SYNPR: variants seen among roughly 807,000 people sequenced by gnomAD.
SYNPR encodes the protein synaptoporin.
A neutral mutation model predicts 32.9 loss-of-function variants in SYNPR; 23 were observed. The observed-to-expected ratio is 0.70, with a 90% CI of 0.50 to 0.99. The LOEUF (loss-of-function observed/expected upper bound fraction) is 0.99. Ranked by LOEUF, SYNPR falls within the 50% of genes least tolerant of loss-of-function variation. The pLI is 0.00. For synonymous variants in SYNPR, 146 were observed against 135.9 expected (o/e 1.07, Z -0.52); for missense variants, 318 against 349.3 (o/e 0.91, Z 0.71).
intron 1 of SYNPR, among the ~76,000 whole-genome samples, chr3:63,236,496 T>C (rs566963819): frequency 1.3e-5 from 2 of 152,264 alleles, no homozygotes; most frequent in Admixed American, 1.3e-4. Flanking sequence ...TTCAATCTTT[T>C]ATTACACAAA....
intron 4 of SYNPR, among the ~76,000 whole-genome samples, chr3:63,570,648 C>A (rs558952822): frequency 6.0e-4 from 92 of 152,278 alleles, no homozygotes; most frequent in Non-Finnish European, 1.1e-3. Flanking sequence ...TATTTCTTCA[C>A]TACCCATGTC....
intron 4 of SYNPR, among the ~76,000 whole-genome samples, chr3:63,595,757 ATATATATATAT>A (rs1559546249): frequency 1.6e-4 from 5 of 31,002 alleles, no homozygotes; most frequent in East Asian, 1.8e-3. Flanking sequence ...ATATATATAT[ATATATATATAT>A]AATTTTATAT....
chr3:63,477,047 A>G (rs911408389), intron 2 of SYNPR, among the ~76,000 whole-genome samples: 2 of 152,190 alleles, frequency 1.3e-5, no homozygotes, highest in African/African-American at 4.8e-5. Context: ...GGTGTCACAC[A>G]GCTAGGAAAT....
At chr3:63,223,104 T>C in the SYNPR span, among the ~76,000 whole-genome samples, 1 of 152,118 alleles carries the variant, frequency 6.6e-6, no homozygotes, top group African/African-American at 2.4e-5. Context: ...GAGTCAAGAA[T>C]TGTGCAAGGA....
intron 2 of SYNPR, among the ~76,000 whole-genome samples, chr3:63,348,490 C>T (rs6783693): frequency 6.6e-4 from 100 of 152,224 alleles, no homozygotes; most frequent in African/African-American, 2.3e-3. Flanking sequence ...TGTGTGTTCA[C>T]TCTGTTGCTT....
chr3:63,255,418 T>C (rs1247767675), intron 2 of SYNPR, among the ~76,000 whole-genome samples: 1 of 152,204 alleles, frequency 6.6e-6, no homozygotes, highest in Non-Finnish European at 1.5e-5. Flanking sequence ...TGTCAGGCCT[T>C]GAACCAGTTA....
chr3:63,283,234 TG>T, intron 2 of SYNPR, among the ~76,000 whole-genome samples: 1 of 152,190 alleles, frequency 6.6e-6, no homozygotes. Context: ...TTTTATAGCC[TG>T]GGGAAAAAAT....
chr3:63,297,174 G>A (rs1365183854), intron 2 of SYNPR, among the ~76,000 whole-genome samples: 2 of 152,184 alleles, frequency 1.3e-5, no homozygotes, highest in Non-Finnish European at 2.9e-5. Context: ...AATGTTCACT[G>A]TGAAGTGGCT....
intron 3 of SYNPR, among the ~76,000 whole-genome samples, chr3:63,553,434 A>G (rs965321603): frequency 6.6e-5 from 10 of 152,076 alleles, no homozygotes; most frequent in African/African-American, 2.4e-4. Flanking sequence ...ATAATGATCT[A>G]TTTTCCTTTG....
At chr3:63,324,056 G>A (rs571016345) in intron 2 of SYNPR, among the ~76,000 whole-genome samples, 20 of 152,006 alleles carry the variant, frequency 1.3e-4, no homozygotes, top group Non-Finnish European at 2.4e-4. Context: ...CTGGAATATT[G>A]GCCAATAATG....
At chr3:63,596,601 A>C (rs554273943) in intron 4 of SYNPR, among the ~76,000 whole-genome samples, 1 of 152,060 alleles carries the variant, frequency 6.6e-6, no homozygotes, top group East Asian at 1.9e-4. Flanking sequence ...GGTCACACTG[A>C]TTTGCTTTCA....
intron 2 of SYNPR, among the ~76,000 whole-genome samples, chr3:63,371,304 C>T (rs748108186): frequency 8.5e-5 from 13 of 152,166 alleles, no homozygotes; most frequent in Non-Finnish European, 1.8e-4. Flanking sequence ...CACTCATGCA[C>T]ACATGGAGTC....
intron 3 of SYNPR, among the ~76,000 whole-genome samples, chr3:63,548,875 T>C (rs1702456240): frequency 6.6e-6 from 1 of 152,120 alleles, no homozygotes; most frequent in Non-Finnish European, 1.5e-5. Flanking sequence ...CCGCCAAATG[T>C]ATTGGTAGGA....
chr3:63,479,446 G>GCGCACGCACACACACACACA (rs6147854), intron 2 of SYNPR, among the ~76,000 whole-genome samples: 1 of 135,742 alleles, frequency 7.4e-6, no homozygotes, highest in Non-Finnish European at 1.6e-5. Flanking sequence ...CCACACACAT[G>GCGCACGCACACACACACACA]CACACACACA....
chr3:63,570,790 A>C (rs895034860), intron 4 of SYNPR, among the ~76,000 whole-genome samples: 2 of 152,200 alleles, frequency 1.3e-5, no homozygotes, highest in African/African-American at 4.8e-5. Flanking sequence ...CCCCTGCTAG[A>C]TATCAAATAT....
chr3:63,314,231 T>G (rs1445812833), intron 2 of SYNPR, among the ~76,000 whole-genome samples: 2 of 150,872 alleles, frequency 1.3e-5, no homozygotes, highest in Non-Finnish European at 3.0e-5. Flanking sequence ...TTCCTCCAGG[T>G]AGATACCCAG....
At chr3:63,250,253 T>C (rs1351511503) in intron 1 of SYNPR, among the ~76,000 whole-genome samples, 1 of 152,120 alleles carries the variant, frequency 6.6e-6, no homozygotes, top group Non-Finnish European at 1.5e-5. Flanking sequence ...TCTGGTTTGA[T>C]ATACATGTAT....
chr3:63,608,250 T>C lies in SYNPR; in HGVS notation c.409-875T>C, dbSNP rs571713621. Among the ~76,000 whole-genome samples, 19 of 152,256 alleles carry C rather than the reference T, an allele frequency of 1.2e-4. No homozygotes were observed. In the South Asian group the frequency reaches 2.9e-3, roughly 23 times the overall value. ...GATGGTCTCTACAATACTCATCCTG[T>C]TACATCCTAGAAATTTCGTTTGATA... is the stretch of plus-strand genomic sequence containing the variant. On this transcript the variant is annotated intron_variant, in intron 4 of 5. Transcript: ENST00000478300.
chr3:63,233,969 T>C (rs1298383965), intron 1 of SYNPR, among the ~76,000 whole-genome samples: 1 of 152,226 alleles, frequency 6.6e-6, no homozygotes, highest in African/African-American at 2.4e-5. Context: ...AAATGTCAAC[T>C]TTATTTCTGA....
Sources: allele counts gnomAD v4.1 joint callset (sites outside exome capture counted in the v4.1 genomes callset), GRCh38; gene constraint gnomAD v4.1.1; transcripts MANE v1.5; gene names NCBI Gene and HGNC (gene_info 2026-07-23, HGNC 2026-07-21).